The following CACNA1A variants were observed in gnomAD, a reference collection of about 807,000 sequenced individuals.
The protein encoded by CACNA1A is voltage-dependent P/Q-type calcium channel subunit alpha-1A.
A neutral mutation model predicts 262.4 loss-of-function variants in CACNA1A; 57 were observed. The observed-to-expected ratio is 0.22, with a 90% CI of 0.18 to 0.27. CACNA1A has a LOEUF of 0.27. Ranked by LOEUF, CACNA1A falls within the 10% of genes least tolerant of loss-of-function variation. The pLI is 1.00. For missense variants in CACNA1A, 2,526 were observed against 3,562.8 expected (o/e 0.71, Z 7.41); for synonymous variants, 1,431 against 1,419.3 (o/e 1.01, Z -0.18).
chr19:13,231,674 G>C lies in CACNA1A; in HGVS notation c.5400+36C>G, dbSNP rs368172384. ...CCCCTGAAAGGAAGCCAGGCTTAGG[G>C]AGCCCAGACGGCCCTCACAGTGTCC... On this transcript the variant is annotated intron_variant, in intron 35 of 46. Coordinates refer to ENST00000360228, the MANE Select transcript of CACNA1A (RefSeq NM_001127222.2). 953 of 1,592,816 alleles carry C rather than the reference G, an allele frequency of 6.0e-4. 6 individuals carry two copies. In the South Asian group the frequency reaches 0.01, roughly 17 times the overall value.
At chr19:13,315,779 T>G (rs764871882) in intron 11 of CACNA1A, 6 of 152,102 alleles carry the variant, frequency 3.9e-5, no homozygotes, top group Non-Finnish European at 8.8e-5. Flanking sequence ...AAGACTAGAC[T>G]GTCTCTTCTT....
At chr19:13,275,485 T>G in intron 24 of CACNA1A, 1 of 286,230 alleles carries the variant, frequency 3.5e-6, no homozygotes, top group East Asian at 7.9e-5. Context: ...GATTGTCTCT[T>G]TAGGGACTTT....
chr19:13,367,011 G>A (rs1480977619), intron 4 of CACNA1A, among the ~76,000 whole-genome samples: 1 of 151,472 alleles, frequency 6.6e-6, no homozygotes, highest in Non-Finnish European at 1.5e-5. Flanking sequence ...GCAGAACTAG[G>A]CAGGGCGCGG....
At position 13,330,471 on chromosome 19, in the gene CACNA1A, A is replaced by G. The variant is rs148298494; in HGVS notation, c.1256-138T>C. ...AACTAATAGTATACCCATTTTTCAGATGTGTAAACTGAGGTTCAAGGTGGC... is the reference window on the plus strand; with the variant it reads ...AACTAATAGTATACCCATTTTTCAGGTGTGTAAACTGAGGTTCAAGGTGGC... On this transcript the variant is annotated intron_variant, in intron 9 of 46. Transcript: ENST00000360228. The G allele has an allele frequency of 3.4e-4, 237 of 704,730 alleles. 1 individual carries two copies. The African/African-American group carries it at 3.7e-3, about 11-fold the overall frequency. 43.7% of individuals were successfully genotyped at this position (704,730 alleles called of 1,614,324 possible). A position where few individuals can be genotyped will look rare whatever the true frequency, so the allele number is the denominator to read the frequency against.
rs1334593204 is a variant in CACNA1A, at chr19:13,332,801, C to T, written c.1255+68G>A. 48 of 1,039,918 alleles carry T rather than the reference C, an allele frequency of 4.6e-5. 1 individual carries two copies. Among genetic ancestry groups the T allele is most frequent in the South Asian group, 4.4e-4 (33 of 75,728 alleles). The allele number at this position is 1,039,918 out of a possible 1,614,324, so 64.4% of individuals were successfully genotyped here. On this transcript the variant is annotated intron_variant, in intron 9 of 46. Coordinates refer to ENST00000360228, the MANE Select transcript of CACNA1A (RefSeq NM_001127222.2). The stretch of plus-strand genomic sequence containing the variant: ...TTAGAACCAGTCACCTGCTCTCCCC[C>T]GACTCCCCACCACAGCTTCTCCCTT...
intron 10 of CACNA1A, among the ~76,000 whole-genome samples, chr19:13,318,522 A>G (rs1290589710): frequency 3.3e-5 from 5 of 152,052 alleles, no homozygotes; most frequent in African/African-American, 4.8e-5. Context: ...GTTCACAGGC[A>G]CCCTCTGGCT....
At chr19:13,488,454 A>C (rs1349352466) in intron 1 of CACNA1A, among the ~76,000 whole-genome samples, 1 of 126,710 alleles carries the variant, frequency 7.9e-6, no homozygotes, top group Admixed American at 9.7e-5. Context: ...GCTGGAGTGC[A>C]GCAGTGCCAT....
At chr19:13,357,331 G>T (rs979916187) in intron 6 of CACNA1A, among the ~76,000 whole-genome samples, 1 of 152,242 alleles carries the variant, frequency 6.6e-6, no homozygotes, top group Non-Finnish European at 1.5e-5. Flanking sequence ...TAAATGGGTT[G>T]TTAAGGAACA....
intron 34 of CACNA1A, 161 bp downstream of exon 34, chr19:13,234,760 C>G: frequency 1.7e-6 from 1 of 595,046 alleles, no homozygotes; most frequent in Non-Finnish European, 3.0e-6. Context: ...GGCACGCCCC[C>G]TACCGGAAAA....
rs1406537931 is a variant in CACNA1A, at chr19:13,497,518, AAAAATATATATATATATATATATATATAT to A, written c.293+8385_293+8413del. Among the ~76,000 whole-genome samples the A allele has an allele frequency of 5.0e-4, 11 of 22,012 alleles. 1 individual carries two copies. Among genetic ancestry groups the A allele is most frequent in the African/African-American group, 2.0e-3 (10 of 5,080 alleles). 14.4% of individuals were successfully genotyped at this position (22,012 alleles called of 152,430 possible). A position where few individuals can be genotyped will look rare whatever the true frequency, so the allele number is the denominator to read the frequency against. ...AAAAAAAAAAAAAAAAAAAAAAAAA[AAAAATATATATATATATATATATATATAT>A]ATATATATATATATATATATATATA... On this transcript the variant is annotated intron_variant, in intron 1 of 46. Coordinates refer to ENST00000360228, the MANE Select transcript of CACNA1A (RefSeq NM_001127222.2).
intron 1 of CACNA1A, among the ~76,000 whole-genome samples, chr19:13,468,792 TAAAC>T (rs989713295): frequency 2.0e-5 from 3 of 151,868 alleles, no homozygotes; most frequent in African/African-American, 7.3e-5. Flanking sequence ...GTCTCAAAAT[TAAAC>T]AAACAAATAA....
At chr19:13,216,193 C>T (rs1161090204) in intron 38 of CACNA1A, among the ~76,000 whole-genome samples, 1 of 152,182 alleles carries the variant, frequency 6.6e-6, no homozygotes, top group African/African-American at 2.4e-5. Context: ...CATTAAAGCT[C>T]TCTGACGGTG....
chr19:13,469,828 C>A (rs1042728844), intron 1 of CACNA1A, among the ~76,000 whole-genome samples: 1 of 151,862 alleles, frequency 6.6e-6, no homozygotes, highest in South Asian at 2.1e-4. Flanking sequence ...TCCATCCCAT[C>A]GAGCCCTGCA....
At chr19:13,441,219 G>A (rs2060712825) in intron 3 of CACNA1A, among the ~76,000 whole-genome samples, 1 of 152,160 alleles carries the variant, frequency 6.6e-6, no homozygotes, top group Non-Finnish European at 1.5e-5. Flanking sequence ...GTGGAGTCAG[G>A]TTGGGAATCC....
At chr19:13,266,276 A>G (rs1006173633) in intron 24 of CACNA1A, among the ~76,000 whole-genome samples, 1 of 151,926 alleles carries the variant, frequency 6.6e-6, no homozygotes, top group Non-Finnish European at 1.5e-5. Context: ...GCACGATCAT[A>G]GCTCACCGCA....
chr19:13,389,542 G>C (rs914087980), intron 3 of CACNA1A, among the ~76,000 whole-genome samples: 1 of 152,232 alleles, frequency 6.6e-6, no homozygotes. Context: ...TTTCCTCTGT[G>C]CCCGCATCGC....
chr19:13,210,356 G>A (rs1269079758), intron 44 of CACNA1A, among the ~76,000 whole-genome samples: 1 of 152,132 alleles, frequency 6.6e-6, no homozygotes, highest in Non-Finnish European at 1.5e-5. Flanking sequence ...TGGAGAGCCA[G>A]TGTCCTCCGG....
intron 1 of CACNA1A, among the ~76,000 whole-genome samples, chr19:13,476,336 A>G (rs1978535948): frequency 1.3e-5 from 2 of 152,220 alleles, no homozygotes; most frequent in Admixed American, 6.5e-5. Flanking sequence ...AATTCTACAC[A>G]GCCAGGTAGG....
chr19:13,336,597 GAGAGAGAGA>G (rs2058574854), intron 6 of CACNA1A, among the ~76,000 whole-genome samples: 4 of 102,986 alleles, frequency 3.9e-5, no homozygotes, highest in African/African-American at 1.9e-4. Context: ...GAGAGAGGGA[GAGAGAGAGA>G]GAGAGAGAGA....
Sources: allele counts gnomAD v4.1 joint callset (sites outside exome capture counted in the v4.1 genomes callset), GRCh38; gene constraint gnomAD v4.1.1; transcripts MANE v1.5; gene names NCBI Gene and HGNC (gene_info 2026-07-23, HGNC 2026-07-21).